Variants in STK32B observed in about 807,000 individuals in gnomAD.
STK32B encodes serine/threonine-protein kinase 32B.
STK32B carries 43 observed loss-of-function variants against 52.6 expected under a neutral mutation model. The ratio of observed to expected loss-of-function variants is 0.82; its 90% confidence interval spans 0.64 to 1.05. The LOEUF is 1.05. STK32B is among the 50% of genes least tolerant of loss of function. STK32B has a pLI of 0.00. For synonymous variants in STK32B, 238 were observed against 204.3 expected (o/e 1.17, Z -1.41); for missense variants, 621 against 534.6 (o/e 1.16, Z -1.59).
chr4:5,141,737 G>A (rs553391766), intron 2 of STK32B, among the ~76,000 whole-genome samples: 1 of 152,192 alleles, frequency 6.6e-6, no homozygotes, highest in South Asian at 2.1e-4. Flanking sequence ...CAAATCAAGT[G>A]GTCCATAGGT....
chr4:5,335,560 A>T (rs1026073464), intron 4 of STK32B, among the ~76,000 whole-genome samples: 5 of 151,792 alleles, frequency 3.3e-5, no homozygotes, highest in African/African-American at 1.2e-4. Flanking sequence ...AGTTCTTTAA[A>T]TTGTGATGTT....
intron 3 of STK32B, among the ~76,000 whole-genome samples, chr4:5,177,190 C>T (rs960475635): frequency 2.0e-5 from 3 of 152,134 alleles, no homozygotes; most frequent in Admixed American, 1.3e-4. Flanking sequence ...CACAGTTCTG[C>T]GTGGCTGGGG....
At chr4:5,140,390 C>G (rs1221470174) in intron 2 of STK32B, 10 of 959,752 alleles carry the variant, frequency 1.0e-5, no homozygotes, top group Non-Finnish European at 1.3e-5. Context: ...TTTTAGAAAA[C>G]AAAAATACTC....
chr4:5,363,001 C>T (rs1203857418), intron 4 of STK32B, among the ~76,000 whole-genome samples: 1 of 152,208 alleles, frequency 6.6e-6, no homozygotes, highest in Non-Finnish European at 1.5e-5. Context: ...TCACAGGAAA[C>T]ACATTGGAGA....
At chr4:5,196,280 G>A (rs966348543) in intron 3 of STK32B, among the ~76,000 whole-genome samples, 1 of 150,556 alleles carries the variant, frequency 6.6e-6, no homozygotes, top group African/African-American at 2.5e-5. Flanking sequence ...CACCCCGCGA[G>A]GTTCTCTTCT....
chr4:5,034,172 AC>A, the STK32B span, among the ~76,000 whole-genome samples: 1 of 152,198 alleles, frequency 6.6e-6, no homozygotes, highest in Non-Finnish European at 1.5e-5. Flanking sequence ...TTGGACTCTT[AC>A]GTAAAGTTCC....
At chr4:5,235,212 T>C (rs908279527) in intron 3 of STK32B, among the ~76,000 whole-genome samples, 3 of 152,240 alleles carry the variant, frequency 2.0e-5, no homozygotes, top group African/African-American at 7.2e-5. Context: ...TTGCACTGCC[T>C]GTTGCACATG....
chr4:5,148,859 CCTTT>C (rs1323169958), intron 2 of STK32B, among the ~76,000 whole-genome samples: 1 of 151,604 alleles, frequency 6.6e-6, no homozygotes, highest in Non-Finnish European at 1.5e-5. Context: ...ATTTCTTCTT[CCTTT>C]AAGTCTGTCA....
chr4:5,436,544 G>A lies in STK32B; in HGVS notation c.563-10129G>A, dbSNP rs925272310. 7.2e-6 allele frequency: 7 copies of A among 970,478 alleles called. No homozygotes were observed. In the African/African-American group the frequency reaches 1.1e-4, roughly 15 times the overall value. 60.1% of individuals were successfully genotyped at this position (970,478 alleles called of 1,614,324 possible). Reference sequence around the variant, plus strand: ...TGGTCAGCAGTGAGAAGGACAGATTGGAGGTCTCTCTGGGTCCAGAGGCCC... The same window carrying A: ...TGGTCAGCAGTGAGAAGGACAGATTAGAGGTCTCTCTGGGTCCAGAGGCCC... On this transcript the variant is annotated intron_variant, in intron 6 of 11. Transcript: ENST00000282908.
chr4:5,489,265 G>C (rs868280723), intron 11 of STK32B, among the ~76,000 whole-genome samples: 5 of 151,920 alleles, frequency 3.3e-5, no homozygotes, highest in African/African-American at 1.2e-4. Flanking sequence ...TGAGATATTA[G>C]ACAAAGCTAA....
At chr4:5,318,061 A>C (rs114638477) in intron 3 of STK32B, among the ~76,000 whole-genome samples, 330 of 152,194 alleles carry the variant, frequency 2.2e-3, no homozygotes, top group Non-Finnish European at 4.0e-3. Flanking sequence ...TGGTAGAGAA[A>C]GTCTTGGCTC....
chr4:5,074,751 T>G (rs554120628), intron 1 of STK32B, among the ~76,000 whole-genome samples: 1 of 152,294 alleles, frequency 6.6e-6, no homozygotes, highest in African/African-American at 2.4e-5. Flanking sequence ...TGATTTCTAC[T>G]TGGTTATCTT....
At chr4:5,045,074 C>G in the STK32B span, among the ~76,000 whole-genome samples, 3 of 152,238 alleles carry the variant, frequency 2.0e-5, no homozygotes, top group African/African-American at 7.2e-5. Flanking sequence ...CCTCAGTCTA[C>G]TCTCAGCAGA....
chr4:5,127,179 A>C lies in STK32B; in HGVS notation c.53-12726A>C, dbSNP rs1005607953. On this transcript the variant is annotated intron_variant, in intron 1 of 11. Transcript: ENST00000282908. ...ATTTTTACTTATCTTTCCGTTAAAC[A>C]TAAGCAAACATCTTCCATTAGCTGC... 1.0e-5 allele frequency: 5 copies of C among 478,398 alleles called. No homozygotes were observed. The Admixed American group carries it at 1.1e-4, about 11-fold the overall frequency. 29.6% of individuals were successfully genotyped at this position (478,398 alleles called of 1,614,324 possible).
chr4:5,334,444 C>G (rs539467851), intron 4 of STK32B, among the ~76,000 whole-genome samples: 7 of 152,130 alleles, frequency 4.6e-5, no homozygotes, highest in African/African-American at 1.7e-4. Context: ...TTGACATCCT[C>G]TTTTCCTAAT....
intron 3 of STK32B, among the ~76,000 whole-genome samples, chr4:5,312,193 C>T (rs184703361): frequency 6.6e-6 from 1 of 150,398 alleles, no homozygotes; most frequent in Non-Finnish European, 1.5e-5. Flanking sequence ...CTTTGCCATC[C>T]TAAGATCACA....
chr4:5,377,404 C>T (rs961266764), intron 4 of STK32B, among the ~76,000 whole-genome samples: 1 of 152,202 alleles, frequency 6.6e-6, no homozygotes, highest in Non-Finnish European at 1.5e-5. Context: ...AACTCTTTCT[C>T]CATGTCTGTC....
chr4:5,031,154 A>G, the STK32B span, among the ~76,000 whole-genome samples: 1 of 152,156 alleles, frequency 6.6e-6, no homozygotes, highest in African/African-American at 2.4e-5. Flanking sequence ...GCCCACCCAC[A>G]TTATGGAGTG....
intron 3 of STK32B, among the ~76,000 whole-genome samples, chr4:5,190,398 A>G (rs994091060): frequency 7.9e-5 from 12 of 152,112 alleles, no homozygotes; most frequent in African/African-American, 2.7e-4. Context: ...AGAGGAGACA[A>G]TTGAGGCAGA....
Sources: gnomAD v4.1 joint callset for allele counts (sites outside exome capture counted in the v4.1 genomes callset) on GRCh38, gnomAD v4.1.1 for gene constraint, MANE v1.5 for transcripts, NCBI Gene and HGNC (gene_info 2026-07-23, HGNC 2026-07-21) for gene names.